Variants in PLPPR4 observed in about 807,000 individuals in gnomAD.
PLPPR4 encodes phospholipid phosphatase related 4.
PLPPR4 carries 24 observed loss-of-function variants against 56.6 expected under a neutral mutation model. The observed-to-expected ratio is 0.42, with a 90% CI of 0.31 to 0.60. The LOEUF is 0.60. Ranked by LOEUF, PLPPR4 falls within the 20% of genes least tolerant of loss-of-function variation. The pLI, the probability that PLPPR4 is intolerant of heterozygous loss-of-function variation, is 0.13. For missense variants in PLPPR4, 654 were observed against 885.8 expected, an observed-to-expected ratio of 0.74 and a Z score of 3.32; for synonymous variants, 326 against 328.1, an observed-to-expected ratio of 0.99 and a Z score of 0.07.
At chr1:99,296,143 C>A (rs987550091) in intron 2 of PLPPR4, among the ~76,000 whole-genome samples, 1 of 152,164 alleles carries the variant, frequency 6.6e-6, no homozygotes, top group African/African-American at 2.4e-5. Flanking sequence ...GGAAATACTA[C>A]CCTTCTGACC....
At chr1:99,283,679 G>C (rs901571886) in intron 1 of PLPPR4, among the ~76,000 whole-genome samples, 69 of 152,260 alleles carry the variant, frequency 4.5e-4, no homozygotes, top group African/African-American at 1.7e-3. Flanking sequence ...GGCTGGGCGC[G>C]GTGGCTCACG....
chr1:99,264,608 G>A lies in PLPPR4; in HGVS notation c.15G>A (p.Glu5=). Residue 5 remains glutamate, a synonymous_variant, in exon 1 of 7, where the codon GAG becomes GAA. Coordinates refer to ENST00000370185, the MANE Select transcript of PLPPR4 (RefSeq NM_014839.5). MSAK[E]RPKGKVIKDS... is the part of the protein sequence containing the mutation. ...AGGCGGCAGGGATGTCGGCGAAGGA[G>A]AGGCCAAAGGGCAAAGTGATCAAGG... is the stretch of plus-strand genomic sequence containing the variant. 6.4e-7 allele frequency: 1 copy of A among 1,550,802 alleles called. No homozygotes were observed. Among genetic ancestry groups the A allele is most frequent in the African/African-American group, 1.4e-5 (1 of 73,182 alleles).
At chr1:99,278,576 A>G (rs1420799248) in intron 1 of PLPPR4, among the ~76,000 whole-genome samples, 1 of 152,168 alleles carries the variant, frequency 6.6e-6, no homozygotes, top group African/African-American at 2.4e-5. Flanking sequence ...CTTAGTCTCT[A>G]ACGGTTTAAA....
chr1:99,267,791 G>A (rs1362100357), intron 1 of PLPPR4, among the ~76,000 whole-genome samples: 1 of 152,182 alleles, frequency 6.6e-6, no homozygotes, highest in Non-Finnish European at 1.5e-5. Context: ...CAGGCTTCTT[G>A]AAATGGACTT....
In PLPPR4 at chr1:99,296,840, T is replaced by G. The variant is rs755252473; in HGVS notation, c.367T>G (p.Phe123Val). 44 of 1,589,712 alleles carry G rather than the reference T, an allele frequency of 2.8e-5. No homozygotes were observed. Among genetic ancestry groups the G allele is most frequent in the Non-Finnish European group, 3.7e-5 (43 of 1,164,092 alleles). ...TGCTGGAGGCTGCAACTTCAATTCCTTCCTCAGACGAGCTGTCAGATTCGT... is the reference window on the plus strand; with the variant it reads ...TGCTGGAGGCTGCAACTTCAATTCCGTCCTCAGACGAGCTGTCAGATTCGT... ...INAGGCNFNS[F>V]LRRAVRFVGV... is the part of the protein sequence containing the mutation. The change falls in exon 3 of 7, where the codon TTC becomes GTC. Residue 123 changes from phenylalanine to valine, a missense_variant. By Grantham distance (50) the Phe-to-Val change is conservative. Around this residue, in one of 2 missense-constraint regions of PLPPR4, gnomAD observed 186 missense variants for 331.4 expected, o/e 0.56. Coordinates refer to ENST00000370185, the MANE Select transcript of PLPPR4 (RefSeq NM_014839.5).
chr1:99,295,654 A>G (rs564500708), intron 2 of PLPPR4, among the ~76,000 whole-genome samples: 1 of 152,368 alleles, frequency 6.6e-6, no homozygotes, highest in South Asian at 2.1e-4. Context: ...AGACTTTTTC[A>G]TGAATAAAAT....
chr1:99,298,842 T>C, intron 3 of PLPPR4, 193 bp from the exon 4 acceptor site: 1 of 660,476 alleles, frequency 1.5e-6, no homozygotes, highest in Non-Finnish European at 2.7e-6. Flanking sequence ...ACTTTGGAGA[T>C]ACTCATTGCC....
chr1:99,263,725 T>C (rs1215184657), upstream of PLPPR4, among the ~76,000 whole-genome samples: 1 of 152,230 alleles, frequency 6.6e-6, no homozygotes, highest in African/African-American at 2.4e-5. Context: ...TACTTCTTTT[T>C]ACTGTTATGA....
intron 2 of PLPPR4, among the ~76,000 whole-genome samples, chr1:99,288,567 A>G (rs955892015): frequency 2.0e-5 from 3 of 152,160 alleles, no homozygotes; most frequent in African/African-American, 7.2e-5. Flanking sequence ...TTTATTTCTT[A>G]CTAGATTATC....
chr1:99,285,233 C>G (rs1190851717), intron 1 of PLPPR4, among the ~76,000 whole-genome samples: 1 of 152,162 alleles, frequency 6.6e-6, no homozygotes, highest in Admixed American at 6.5e-5. Context: ...CTGATAGCAA[C>G]TATCTTATGT....
intron 1 of PLPPR4, among the ~76,000 whole-genome samples, chr1:99,267,675 T>C (rs1658936659): frequency 6.6e-6 from 1 of 152,306 alleles, no homozygotes; most frequent in South Asian, 2.1e-4. Context: ...ATTTTACTTA[T>C]AGTTTGGACT....
chr1:99,269,265 T>C (rs994572584), intron 1 of PLPPR4, among the ~76,000 whole-genome samples: 3 of 152,260 alleles, frequency 2.0e-5, no homozygotes. Flanking sequence ...TCATCCTTTT[T>C]TATGGCTGCA....
At chr1:99,302,577 A>C (rs1217203424) in intron 6 of PLPPR4, among the ~76,000 whole-genome samples, 1 of 151,274 alleles carries the variant, frequency 6.6e-6, no homozygotes, top group African/African-American at 2.4e-5. Context: ...AGTTAGTTAC[A>C]TATGTATACA....
intron 1 of PLPPR4, among the ~76,000 whole-genome samples, chr1:99,286,893 T>TTTG (rs773061877): frequency 2.6e-5 from 4 of 152,214 alleles, no homozygotes; most frequent in Non-Finnish European, 4.4e-5. Flanking sequence ...TCTGAAATAC[T>TTTG]TTGTTGTTGT....
intron 1 of PLPPR4, among the ~76,000 whole-genome samples, chr1:99,271,209 ACT>A (rs2100784267): frequency 6.6e-6 from 1 of 152,158 alleles, no homozygotes; most frequent in South Asian, 2.1e-4. Flanking sequence ...TATATGGCAG[ACT>A]CTCTAGATAC....
intron 2 of PLPPR4, among the ~76,000 whole-genome samples, chr1:99,292,721 C>A (rs2100802210): frequency 6.6e-6 from 1 of 152,294 alleles, no homozygotes; most frequent in Non-Finnish European, 1.5e-5. Flanking sequence ...TGACATCAAA[C>A]ACTTTGTCAC....
intron 2 of PLPPR4, 52 bp from the exon 3 acceptor site, chr1:99,296,686 C>A: frequency 6.9e-7 from 1 of 1,459,666 alleles, no homozygotes. Context: ...TACCTGTTGG[C>A]TTAATAGGTA....
Position 99,302,454 on chromosome 1 carries a change from G to A in PLPPR4, c.822+557G>A, listed in dbSNP as rs537712553. ...TTTACATTTATTCAATATCTATTCC[G>A]TGCCAGGGATTATACTGAACATTGT... is the stretch of plus-strand genomic sequence containing the variant. On this transcript the variant is annotated intron_variant, in intron 6 of 6. Transcript: ENST00000370185. Among the ~76,000 whole-genome samples, 58 of 151,864 alleles carry A rather than the reference G, an allele frequency of 3.8e-4. No individual in the cohort carries two copies. The South Asian group carries it at 7.1e-3, about 19-fold the overall frequency.
intron 1 of PLPPR4, among the ~76,000 whole-genome samples, chr1:99,278,336 G>C (rs192035120): frequency 6.6e-6 from 1 of 152,146 alleles, no homozygotes; most frequent in East Asian, 1.9e-4. Context: ...CTGTAAGATG[G>C]CAGTAATAAT....
Sources: allele counts gnomAD v4.1 joint callset (sites outside exome capture counted in the v4.1 genomes callset), GRCh38; gene constraint gnomAD v4.1.1; regional missense constraint gnomAD v4.1.1; transcripts MANE v1.5; gene names NCBI Gene and HGNC (gene_info 2026-07-23, HGNC 2026-07-21).